Variants in INTS6 observed in about 807,000 individuals in gnomAD.
The protein encoded by INTS6 is DEAD box protein.
INTS6 carries 16 observed loss-of-function variants against 104.9 expected under a neutral mutation model. That is an observed-to-expected ratio of 0.15 (90% confidence interval 0.10 to 0.23). The LOEUF is 0.23. Among genes scored for constraint, INTS6 ranks in the 10% least tolerant of loss-of-function variants. INTS6 has a pLI of 1.00. For missense variants in INTS6, 584 were observed against 1,062.8 expected, an observed-to-expected ratio of 0.55 and a Z score of 6.26; for synonymous variants, 324 against 358.7, an observed-to-expected ratio of 0.90 and a Z score of 1.09.
intron 13 of INTS6, among the ~76,000 whole-genome samples, chr13:51,375,476 TAAAAA>T (rs35989339): frequency 1.4e-5 from 2 of 146,412 alleles, no homozygotes; most frequent in African/African-American, 2.5e-5. Context: ...TACAGTATGG[TAAAAA>T]AAAAAAAAAG....
At chr13:51,334,779 C>A in the INTS6 span, among the ~76,000 whole-genome samples, 1 of 151,798 alleles carries the variant, frequency 6.6e-6, no homozygotes, top group East Asian at 1.9e-4. Flanking sequence ...GTCAGGAGTT[C>A]AAGACCAGCC....
chr13:51,451,910 G>C, intron 2 of INTS6, 68 bp downstream of exon 2: 2 of 1,117,264 alleles, frequency 1.8e-6, no homozygotes, highest in Non-Finnish European at 2.6e-6. Flanking sequence ...GAATGGGGGG[G>C]CGGGGAGGGC....
chr13:51,375,732 T>TGG (rs34004086), intron 13 of INTS6, among the ~76,000 whole-genome samples: 46 of 119,074 alleles, frequency 3.9e-4, no homozygotes, highest in East Asian at 1.3e-3. Context: ...GTTTGATAAG[T>TGG]GGGTGTGTGT....
chr13:51,450,934 T>G (rs1387649914), intron 3 of INTS6, 91 bp downstream of exon 3: 2 of 1,380,206 alleles, frequency 1.4e-6, no homozygotes, highest in East Asian at 5.2e-5. Flanking sequence ...TGTTTTATAC[T>G]TGCATTTCAT....
At chr13:51,389,538 T>G (rs1956207810) in intron 5 of INTS6, 94 bp from the exon 6 acceptor site, 1 of 1,263,316 alleles carries the variant, frequency 7.9e-7, no homozygotes, top group African/African-American at 1.5e-5. Context: ...AAAACAACTG[T>G]GGGGTTTCTG....
rs1487333005 is a variant in INTS6 at position 51,404,644 on chromosome 13, CAT to C, written c.430-9163_430-9162del. On this transcript the variant is annotated intron_variant, in intron 4 of 17. Coordinates refer to ENST00000311234, the MANE Select transcript of INTS6 (RefSeq NM_012141.3). Reference sequence around the variant, plus strand: ...TACTTCCACTGAGGCCCACATGAAACATAACCTCATATATTCATTCTTGCCTT... The same window carrying C: ...TACTTCCACTGAGGCCCACATGAAACAACCTCATATATTCATTCTTGCCTT... 2.6e-5 allele frequency among the ~76,000 whole-genome samples: 4 copies of C among 152,284 alleles called. No individual in the cohort carries two copies. In the South Asian group the frequency reaches 6.2e-4, roughly 24 times the overall value.
At chr13:51,387,244 A>G (rs1478026664) in intron 7 of INTS6, 142 bp downstream of exon 7, 2 of 614,476 alleles carry the variant, frequency 3.3e-6, no homozygotes, top group African/African-American at 1.9e-5. Flanking sequence ...CAACATAATA[A>G]AGCAAGTAAC....
the INTS6 span, among the ~76,000 whole-genome samples, chr13:51,341,760 C>G: frequency 6.6e-6 from 1 of 152,184 alleles, no homozygotes; most frequent in East Asian, 1.9e-4. Context: ...CACAACAGCT[C>G]TGTTGAGGAT....
At chr13:51,422,927 C>T (rs1956921625) in intron 4 of INTS6, 1 of 458,580 alleles carries the variant, frequency 2.2e-6, no homozygotes, top group Non-Finnish European at 3.5e-6. Context: ...ATTCCTTACT[C>T]TTCCCTCAAA....
chr13:51,385,373 C>T (rs1175959915), intron 7 of INTS6: 1 of 152,184 alleles, frequency 6.6e-6, no homozygotes, highest in Admixed American at 6.5e-5. Flanking sequence ...CTGTTTTACT[C>T]ATCTTGTGCT....
chr13:51,416,762 T>C (rs997090637), intron 4 of INTS6, among the ~76,000 whole-genome samples: 6 of 152,222 alleles, frequency 3.9e-5, no homozygotes, highest in African/African-American at 1.4e-4. Context: ...GGAGTTAGCA[T>C]AAGGTAACTC....
At chr13:51,342,988 G>A in the INTS6 span, among the ~76,000 whole-genome samples, 6 of 152,168 alleles carry the variant, frequency 3.9e-5, no homozygotes, top group South Asian at 4.1e-4. Context: ...GACAAGTGAT[G>A]TCTGCCTACT....
Position 51,379,468 on chromosome 13 carries a change from A to G in INTS6, c.1380T>C (p.Ser460=). ...CTCTATTTCTTGATATTACCTGTTG[A>G]CTCAGTTTTTTGAGGTATGAAATGA... ...YSVISYLKKL[S]QQAKIESDRV... The change falls in exon 11 of 18, where the codon AGT becomes AGC. Residue 460 remains serine, a synonymous_variant. Coordinates refer to ENST00000311234, the MANE Select transcript of INTS6 (RefSeq NM_012141.3). 4 of 1,578,760 alleles carry G rather than the reference A, an allele frequency of 2.5e-6. No individual in the cohort carries two copies. Among genetic ancestry groups the G allele is most frequent in the Non-Finnish European group, 3.5e-6 (4 of 1,156,314 alleles).
Position 51,453,002 on chromosome 13 carries a change from G to A in INTS6, c.-477C>T, listed in dbSNP as rs1174812986. ...GGGACTCCCTCCGCACCCCGGCGGTGTCACCACTTTCTCAGCCCCTCTCGC... is the reference window on the plus strand; with the variant it reads ...GGGACTCCCTCCGCACCCCGGCGGTATCACCACTTTCTCAGCCCCTCTCGC... On this transcript the variant is annotated 5_prime_UTR_variant, in exon 1 of 18. Coordinates refer to ENST00000311234, the MANE Select transcript of INTS6 (RefSeq NM_012141.3). 2.9e-5 allele frequency: 29 copies of A among 1,007,604 alleles called. No homozygotes were observed. The highest frequency in any genetic ancestry group is 1.1e-4 in the East Asian group (1 of 8,876). 62.4% of individuals were successfully genotyped at this position (1,007,604 alleles called of 1,614,324 possible). A position where few individuals can be genotyped will look rare whatever the true frequency, so the allele number is the denominator to read the frequency against.
rs780855394 is a variant in INTS6 at position 51,452,086 on chromosome 13, G to C, written c.112-31C>G. The C allele has an allele frequency of 1.9e-6, 3 of 1,597,188 alleles. No homozygotes were observed. The highest frequency in any genetic ancestry group is 1.1e-5 in the South Asian group (1 of 90,560). ...GGACGGGAGGAGGAACAGGGCGGGC[G>C]ACAGGGAAGCACAGAGGCGAGGTTA... On this transcript the variant is annotated intron_variant, in intron 1 of 17. Coordinates refer to ENST00000311234, the MANE Select transcript of INTS6 (RefSeq NM_012141.3). This position sits in a 1 kb window ranked among gnomAD's most constrained non-coding sequence, Gnocchi z 4.2.
At chr13:51,397,815 C>CCACACACA (rs138888033) in intron 4 of INTS6, among the ~76,000 whole-genome samples, 1 of 149,984 alleles carries the variant, frequency 6.7e-6, no homozygotes, top group Non-Finnish European at 1.5e-5. Flanking sequence ...ACTGCGCGGA[C>CCACACACA]CACACACACA....
the INTS6 span, chr13:51,344,288 C>A: frequency 2.5e-6 from 4 of 1,613,912 alleles, no homozygotes; most frequent in Non-Finnish European, 3.4e-6. Flanking sequence ...GCTGTTTATG[C>A]CACACTACCC....
intron 14 of INTS6, 31 bp downstream of exon 14, chr13:51,374,623 C>G (rs769160231): frequency 1.2e-6 from 2 of 1,609,440 alleles, no homozygotes; most frequent in Admixed American, 3.4e-5. Context: ...CTACCATAAA[C>G]AAATTACATA....
intron 4 of INTS6, among the ~76,000 whole-genome samples, chr13:51,417,847 TTCTA>T (rs1200194683): frequency 6.6e-6 from 1 of 152,216 alleles, no homozygotes; most frequent in Admixed American, 6.5e-5. Flanking sequence ...AGACTCTCAA[TTCTA>T]TCTCACTGAC....
Sources: gnomAD v4.1 joint callset for allele counts (sites outside exome capture counted in the v4.1 genomes callset) on GRCh38, gnomAD v4.1.1 for gene constraint, Gnocchi (gnomAD v3.1) non-coding constraint, MANE v1.5 for transcripts, NCBI Gene and HGNC (gene_info 2026-07-23, HGNC 2026-07-21) for gene names.